Variants in CNTN5 observed in about 807,000 individuals in gnomAD.
The protein encoded by CNTN5 is contactin 5.
A neutral mutation model predicts 129.1 loss-of-function variants in CNTN5; 77 were observed. The observed-to-expected ratio is 0.60, with a 90% CI of 0.50 to 0.72. The LOEUF is 0.72. Ranked by LOEUF, CNTN5 falls within the 30% of genes least tolerant of loss-of-function variation. The probability of loss-of-function intolerance (pLI) is 0.00; values close to 1 mark genes in which losing one functional copy is unlikely to be tolerated. For synonymous variants in CNTN5, 509 were observed against 465.6 expected (o/e 1.09, Z -1.20); for missense variants, 1,478 against 1,328.8 (o/e 1.11, Z -1.75).
intron 21 of CNTN5, chr11:100,337,570 G>T: frequency 1.3e-6 from 1 of 743,164 alleles, no homozygotes; most frequent in Admixed American, 1.7e-5. Context: ...AGCAATGAGG[G>T]GCACGTCTAT....
intron 1 of CNTN5, among the ~76,000 whole-genome samples, chr11:99,034,243 G>A (rs1863573420): frequency 1.3e-5 from 2 of 152,104 alleles, no homozygotes; most frequent in South Asian, 2.1e-4. Flanking sequence ...TTTTGTTTGC[G>A]TTTCTGCCCG....
chr11:100,113,115 C>T (rs1299794062), intron 13 of CNTN5, among the ~76,000 whole-genome samples: 3 of 151,734 alleles, frequency 2.0e-5, no homozygotes, highest in Non-Finnish European at 2.9e-5. Flanking sequence ...TTAATGATAT[C>T]GGATAGATAT....
chr11:99,199,387 G>A (rs1859056049), intron 1 of CNTN5, among the ~76,000 whole-genome samples: 1 of 152,152 alleles, frequency 6.6e-6, no homozygotes, highest in South Asian at 2.1e-4. Context: ...ATGAAATAAT[G>A]ATAGAAAAAT....
At chr11:99,177,597 T>C (rs1186134703) in intron 1 of CNTN5, among the ~76,000 whole-genome samples, 1 of 152,152 alleles carries the variant, frequency 6.6e-6, no homozygotes, top group East Asian at 1.9e-4. Flanking sequence ...CATCGAAAGA[T>C]TTGGAACAGG....
intron 23 of CNTN5, among the ~76,000 whole-genome samples, chr11:100,349,208 G>A (rs186496854): frequency 2.2e-4 from 34 of 151,920 alleles, no homozygotes; most frequent in Non-Finnish European, 3.4e-4. Context: ...TCAAGTACAC[G>A]CAGGCTTCAA....
At chr11:99,201,351 T>TTCCTTCCTTCCTTCCTTCCTTCCTTCC (rs59358470) in intron 1 of CNTN5, among the ~76,000 whole-genome samples, 6,906 of 87,584 alleles carry the variant, frequency 0.079, 827 homozygotes, top group East Asian at 0.15. Context: ...CTTCCTTTCC[T>TTCCTTCCTTCCTTCCTTCCTTCCTTCC]TTCCTTCCTT....
At chr11:99,215,661 A>G (rs1860078076) in intron 1 of CNTN5, among the ~76,000 whole-genome samples, 1 of 152,162 alleles carries the variant, frequency 6.6e-6, no homozygotes, top group Admixed American at 6.6e-5. Flanking sequence ...GGCTAACAGA[A>G]AACCTATTTC....
chr11:100,042,576 T>C (rs201014769), intron 9 of CNTN5, among the ~76,000 whole-genome samples: 2 of 152,182 alleles, frequency 1.3e-5, no homozygotes, highest in East Asian at 3.9e-4. Flanking sequence ...AAGTATTCCT[T>C]CTGCCTTGAC....
At chr11:99,503,407 A>G (rs1211238305) in intron 2 of CNTN5, among the ~76,000 whole-genome samples, 2 of 152,236 alleles carry the variant, frequency 1.3e-5, no homozygotes, top group Non-Finnish European at 2.9e-5. Context: ...TATTCTCTGT[A>G]AAAGATATGC....
At chr11:99,249,694 CT>C (rs1862001090) in intron 1 of CNTN5, among the ~76,000 whole-genome samples, 1 of 151,864 alleles carries the variant, frequency 6.6e-6, no homozygotes, top group Non-Finnish European at 1.5e-5. Flanking sequence ...AAGACAAAAA[CT>C]TATCTAATAT....
intron 22 of CNTN5, 61 bp downstream of exon 22, chr11:100,340,710 C>A: frequency 7.0e-7 from 1 of 1,429,316 alleles, no homozygotes; most frequent in South Asian, 1.4e-5. Context: ...TAACATTTCT[C>A]AAAGCCACGT....
intron 2 of CNTN5, among the ~76,000 whole-genome samples, chr11:99,519,593 T>C (rs1947193925): frequency 6.6e-6 from 1 of 152,234 alleles, no homozygotes; most frequent in South Asian, 2.1e-4. Context: ...TATGCTCTCA[T>C]TTATAATACA....
intron 1 of CNTN5, among the ~76,000 whole-genome samples, chr11:99,234,924 A>T (rs1861189124): frequency 6.6e-6 from 1 of 152,158 alleles, no homozygotes; most frequent in Non-Finnish European, 1.5e-5. Context: ...AAACAAAGAG[A>T]TGCATGGCAT....
intron 9 of CNTN5, among the ~76,000 whole-genome samples, chr11:100,043,076 G>T (rs764867494): frequency 1.3e-5 from 2 of 152,100 alleles, no homozygotes; most frequent in Admixed American, 6.5e-5. Context: ...TTATTATAGA[G>T]AAATTTGTTT....
chr11:99,756,699 T>C (rs956731958), intron 3 of CNTN5, among the ~76,000 whole-genome samples: 11 of 152,074 alleles, frequency 7.2e-5, no homozygotes, highest in African/African-American at 2.7e-4. Context: ...CTTTACAATT[T>C]TGCAGATCTT....
At chr11:99,977,385 G>T (rs1938053399) in intron 8 of CNTN5, among the ~76,000 whole-genome samples, 1 of 152,070 alleles carries the variant, frequency 6.6e-6, no homozygotes, top group Non-Finnish European at 1.5e-5. Flanking sequence ...ACGTTTTCAG[G>T]TGTCTTTACA....
intron 6 of CNTN5, among the ~76,000 whole-genome samples, chr11:99,858,923 C>T (rs937911767): frequency 0.037 from 6 of 164 alleles, no homozygotes; most frequent in African/African-American, 0.13. Context: ...TTGCATTTAC[C>T]TTCATTTGAA....
At chr11:100,312,669 T>C (rs547883407) in intron 21 of CNTN5, among the ~76,000 whole-genome samples, 14 of 152,188 alleles carry the variant, frequency 9.2e-5, no homozygotes, top group Non-Finnish European at 1.8e-4. Context: ...ACCAAAATGA[T>C]CAATTTCACA....
chr11:99,747,460 C>CTT (rs55790126), intron 3 of CNTN5, among the ~76,000 whole-genome samples: 10,697 of 85,812 alleles, frequency 0.12, 1,316 homozygotes, highest in East Asian at 0.47. Context: ...AGTCAGCATC[C>CTT]TTTTTTTTTT....
Sources: gnomAD v4.1 joint callset for allele counts (sites outside exome capture counted in the v4.1 genomes callset) on GRCh38, gnomAD v4.1.1 for gene constraint, MANE v1.5 for transcripts, NCBI Gene and HGNC (gene_info 2026-07-23, HGNC 2026-07-21) for gene names.